Variants in PCDH15 observed in about 807,000 individuals in gnomAD.
The protein encoded by PCDH15 is protocadherin-15.
PCDH15 carries 129 observed loss-of-function variants against 178.5 expected under a neutral mutation model. The ratio of observed to expected loss-of-function variants is 0.72; its 90% CI spans 0.63 to 0.84. PCDH15 has a LOEUF of 0.84. PCDH15 is among the 40% of genes least tolerant of loss of function. The pLI is 0.00. For missense variants in PCDH15, 2,230 were observed against 2,099.9 expected (o/e 1.06, Z -1.21); for synonymous variants, 800 against 732.0 (o/e 1.09, Z -1.50).
intron 2 of PCDH15, among the ~76,000 whole-genome samples, chr10:55,522,196 T>C (rs1841191352): frequency 6.6e-6 from 1 of 151,902 alleles, no homozygotes; most frequent in African/African-American, 2.4e-5. Context: ...TCTGCAAACC[T>C]TTGCAAACAT....
chr10:55,456,740 T>C (rs1382718958), intron 2 of PCDH15, among the ~76,000 whole-genome samples: 1 of 152,054 alleles, frequency 6.6e-6, no homozygotes, highest in African/African-American at 2.4e-5. Flanking sequence ...AGAGTCTAAA[T>C]TGACAGCCTT....
intron 34 of PCDH15, among the ~76,000 whole-genome samples, chr10:53,817,504 T>C (rs1289465246): frequency 1.3e-5 from 2 of 151,232 alleles, no homozygotes; most frequent in African/African-American, 2.4e-5. Flanking sequence ...TCTTTGTTTT[T>C]TTTTTCTTTT....
chr10:53,945,070 T>C (rs1355882773), intron 23 of PCDH15, among the ~76,000 whole-genome samples: 1 of 152,246 alleles, frequency 6.6e-6, no homozygotes, highest in African/African-American at 2.4e-5. Flanking sequence ...GTTTTATAAA[T>C]ATATTTCCTC....
chr10:54,020,995 G>A (rs2092904357), intron 19 of PCDH15, among the ~76,000 whole-genome samples: 1 of 151,990 alleles, frequency 6.6e-6, no homozygotes, highest in Non-Finnish European at 1.5e-5. Context: ...ACTAGGATTT[G>A]AGTAGTAGTT....
chr10:54,654,581 A>G (rs1052738387), intron 2 of PCDH15, among the ~76,000 whole-genome samples: 1 of 152,182 alleles, frequency 6.6e-6, no homozygotes, highest in African/African-American at 2.4e-5. Flanking sequence ...GCTTAAGGGA[A>G]TTGGTGAAGA....
At position 55,461,567 on chromosome 10, in the gene PCDH15, G is replaced by C. The variant is rs1485932179; in HGVS notation, c.-156+166058C>G. On this transcript the variant is annotated intron_variant, in intron 2 of 5. Transcript: ENST00000613346. ...GATCTTATTTCTAGCTGTCTTCTGG[G>C]GCTCATTTTATAATAAAACCATTCA... Among the ~76,000 whole-genome samples, 3 of 151,812 alleles carry C rather than the reference G, an allele frequency of 2.0e-5. No individual in the cohort carries two copies. In the East Asian group the frequency reaches 5.8e-4, roughly 29 times the overall value.
At chr10:54,091,885 G>A (rs1327347797) in intron 15 of PCDH15, among the ~76,000 whole-genome samples, 1 of 152,064 alleles carries the variant, frequency 6.6e-6, no homozygotes, top group African/African-American at 2.4e-5. Context: ...CAACAGTGTA[G>A]CTATAAATAC....
At chr10:54,113,888 G>A (rs1455905985) in intron 15 of PCDH15, among the ~76,000 whole-genome samples, 1 of 152,110 alleles carries the variant, frequency 6.6e-6, no homozygotes, top group Non-Finnish European at 1.5e-5. Context: ...CAATCATGGT[G>A]GAAGGCAGAG....
intron 5 of PCDH15, among the ~76,000 whole-genome samples, chr10:54,359,218 T>C (rs1432527752): frequency 6.6e-6 from 1 of 151,926 alleles, no homozygotes; most frequent in Non-Finnish European, 1.5e-5. Flanking sequence ...TCTCTATATA[T>C]GTACATAGTG....
chr10:55,482,995 C>A (rs747090372), intron 2 of PCDH15, among the ~76,000 whole-genome samples: 3 of 151,590 alleles, frequency 2.0e-5, no homozygotes, highest in Non-Finnish European at 4.4e-5. Flanking sequence ...GAAAATGGAC[C>A]CCTTTCTTAC....
intron 1 of PCDH15, among the ~76,000 whole-genome samples, chr10:55,214,765 C>T (rs982066552): frequency 3.9e-5 from 6 of 152,012 alleles, no homozygotes; most frequent in Non-Finnish European, 8.8e-5. Flanking sequence ...GTACATACCA[C>T]TATGCTTGGC....
chr10:53,879,752 G>T (rs535132087), intron 26 of PCDH15, among the ~76,000 whole-genome samples: 1 of 152,212 alleles, frequency 6.6e-6, no homozygotes, highest in Admixed American at 6.5e-5. Context: ...CTACAGGCGC[G>T]CACCACCACG....
chr10:54,183,311 T>C, intron 13 of PCDH15, 133 bp downstream of exon 13: 7 of 921,522 alleles, frequency 7.6e-6, no homozygotes, highest in South Asian at 1.4e-5. Flanking sequence ...TTTAAAGCTA[T>C]TTAAACTAAT....
chr10:54,861,415 C>T (rs917933532), intron 3 of PCDH15, among the ~76,000 whole-genome samples: 2 of 151,760 alleles, frequency 1.3e-5, no homozygotes, highest in Non-Finnish European at 2.9e-5. Context: ...AAGTTTGAAC[C>T]GGGAAGAAAT....
At chr10:54,333,057 C>T (rs953081345) in intron 6 of PCDH15, among the ~76,000 whole-genome samples, 18 of 152,120 alleles carry the variant, frequency 1.2e-4, no homozygotes. Flanking sequence ...GATTCTCCTG[C>T]CTCAGCCTCT....
chr10:54,877,088 C>G (rs972949036), intron 3 of PCDH15, among the ~76,000 whole-genome samples: 2 of 152,112 alleles, frequency 1.3e-5, no homozygotes, highest in Non-Finnish European at 2.9e-5. Context: ...CAAGGTAATA[C>G]CTTCCAATGA....
chr10:55,163,086 A>C (rs1360536242), intron 2 of PCDH15, among the ~76,000 whole-genome samples: 1 of 151,932 alleles, frequency 6.6e-6, no homozygotes, highest in Non-Finnish European at 1.5e-5. Context: ...CATTTTCCAC[A>C]CCTTATCAAC....
chr10:55,261,669 T>G (rs1423926034), intron 1 of PCDH15, among the ~76,000 whole-genome samples: 4 of 152,194 alleles, frequency 2.6e-5, no homozygotes, highest in Non-Finnish European at 4.4e-5. Context: ...CTTGGAAGGT[T>G]CCTTAGATGA....
At chr10:53,838,177 G>A (rs1403736178) in intron 29 of PCDH15, among the ~76,000 whole-genome samples, 13 of 151,510 alleles carry the variant, frequency 8.6e-5, no homozygotes, top group African/African-American at 2.2e-4. Flanking sequence ...GGGTTTCACC[G>A]TGTTAGCCAG....
Sources: gnomAD v4.1 joint callset for allele counts (sites outside exome capture counted in the v4.1 genomes callset) on GRCh38, gnomAD v4.1.1 for gene constraint, MANE v1.5 for transcripts, NCBI Gene and HGNC (gene_info 2026-07-23, HGNC 2026-07-21) for gene names.